Variants in FN1 observed in about 807,000 individuals in gnomAD.
The protein encoded by FN1 is fibronectin 1, also known as fibronectin.
FN1 carries 106 observed loss-of-function variants against 297.3 expected under a neutral mutation model. The observed-to-expected ratio is 0.36, with a 90% CI of 0.30 to 0.42. FN1 has a LOEUF of 0.42. Ranked by LOEUF, FN1 falls within the 10% of genes least tolerant of loss-of-function variation. The pLI, the probability that FN1 is intolerant of heterozygous loss-of-function variation, is 1.00. For missense variants in FN1, 2,690 were observed against 3,124.9 expected, an observed-to-expected ratio of 0.86 and a Z score of 3.32; for synonymous variants, 1,149 against 1,152.6, an observed-to-expected ratio of 1.00 and a Z score of 0.06.
intron 38 of FN1, among the ~76,000 whole-genome samples, chr2:215,374,758 T>A (rs923434283): frequency 6.6e-6 from 1 of 152,242 alleles, no homozygotes; most frequent in African/African-American, 2.4e-5. Flanking sequence ...TTCCAGGCAT[T>A]CTTCCAATGT....
At chr2:215,409,497 C>T (rs2062261402) in intron 15 of FN1, 66 bp downstream of exon 15, 1 of 1,504,690 alleles carries the variant, frequency 6.6e-7, no homozygotes, top group East Asian at 2.3e-5. Context: ...AGAGGCCACC[C>T]ACCCCCACAA....
chr2:215,379,859 A>G (rs778530024), intron 33 of FN1: 1 of 154,340 alleles, frequency 6.5e-6, no homozygotes, highest in Non-Finnish European at 1.4e-5. Flanking sequence ...CACCTCGCTA[A>G]TTTTTTCATA....
At chr2:215,390,411 C>T (rs2059584362) in intron 26 of FN1, among the ~76,000 whole-genome samples, 3 of 152,160 alleles carry the variant, frequency 2.0e-5, no homozygotes, top group Non-Finnish European at 1.5e-5. Context: ...TCTCGAACTC[C>T]TGGGCTCAAG....
At chr2:215,361,888 T>C (rs1169164818) in intron 45 of FN1, 81 bp downstream of exon 45, 5 of 1,526,840 alleles carry the variant, frequency 3.3e-6, no homozygotes, top group Non-Finnish European at 3.6e-6. Context: ...ATTAAAACAC[T>C]TGGTTCATTC....
intron 25 of FN1, chr2:215,392,444 A>G (rs939626059): frequency 5.3e-6 from 1 of 189,748 alleles, no homozygotes; most frequent in East Asian, 1.4e-4. Flanking sequence ...CTTTTCTCCT[A>G]CCTCAAAACA....
chr2:215,408,568 G>GATT (rs924529783), intron 15 of FN1, 142 bp from the exon 16 acceptor site: 34 of 799,508 alleles, frequency 4.3e-5, no homozygotes, highest in Non-Finnish European at 6.3e-5. Context: ...GCTAATCAGT[G>GATT]ATTATTATTA....
In FN1 at chr2:215,361,550, A is replaced by G. The variant is rs753002890; in HGVS notation, c.*5T>C. On this transcript the variant is annotated 3_prime_UTR_variant, in exon 46 of 46. Transcript: ENST00000354785. ...ATGCTTGTTCCTCTGGATTGGAAAG[A>G]TGATTTACTCTCGGGAATCTTCTCT... The G allele has an allele frequency of 6.3e-7, 1 of 1,594,634 alleles. No homozygotes were observed. The highest frequency in any genetic ancestry group is 1.7e-5 in the Admixed American group (1 of 59,998).
chr2:215,400,062 C>A (rs2060810959), intron 20 of FN1, among the ~76,000 whole-genome samples: 2 of 151,966 alleles, frequency 1.3e-5, no homozygotes, highest in Admixed American at 6.6e-5. Context: ...GTGGCTCATG[C>A]CTGTAGTCCC....
intron 6 of FN1, among the ~76,000 whole-genome samples, chr2:215,426,295 C>T (rs976235201): frequency 4.6e-5 from 7 of 151,720 alleles, no homozygotes; most frequent in African/African-American, 1.7e-4. Flanking sequence ...ACTACAGGCA[C>T]CCGCCACCAC....
intron 20 of FN1, among the ~76,000 whole-genome samples, 196 bp downstream of exon 20, chr2:215,404,193 C>T (rs1229642008): frequency 6.6e-6 from 1 of 152,088 alleles, no homozygotes; most frequent in South Asian, 2.1e-4. Context: ...CTGGCACAAC[C>T]GTTTTTCTTG....
At chr2:215,410,958 T>G (rs1559516544) in intron 13 of FN1, among the ~76,000 whole-genome samples, 1 of 152,234 alleles carries the variant, frequency 6.6e-6, no homozygotes, top group Non-Finnish European at 1.5e-5. Flanking sequence ...TATTTTATCT[T>G]TTAACTCAGT....
In FN1 at chr2:215,404,552, G is replaced by T; in HGVS notation, c.3090C>A (p.Thr1030=). 1.2e-6 allele frequency: 2 copies of T among 1,614,102 alleles called. No homozygotes were observed. Among genetic ancestry groups the T allele is most frequent in the Non-Finnish European group, 1.7e-6 (2 of 1,180,008 alleles). ...GCTGTCCTCTTCGGGTAAGGCCCAC[G>T]GTCAGTCGGTATCCTGTTATCTGGG... ...PRAQITGYRL[T]VGLTRRGQPR... Residue 1030 remains threonine (T), a synonymous_variant, in exon 20 of 46, where the codon ACC becomes ACA. Transcript: ENST00000354785.
At chr2:215,413,176 G>A (rs534786581) in intron 13 of FN1, among the ~76,000 whole-genome samples, 68 of 152,242 alleles carry the variant, frequency 4.5e-4, no homozygotes, top group Admixed American at 2.3e-3. Flanking sequence ...GTGCAATGGC[G>A]CGATCTTGGC....
At position 215,370,547 on chromosome 2, in the gene FN1, CAAAAAACAA is replaced by C; in HGVS notation, c.6715-124_6715-116del. ...AAACAAAGCAAAGGAAGACAAAAAACAAAAAACAAAAAAAAAAAAAAGAGGGAGGGTATA... is the reference window on the plus strand; with the variant it reads ...AAACAAAGCAAAGGAAGACAAAAAACAAAAAAAAAAAAGAGGGAGGGTATA... On this transcript the variant is annotated intron_variant, in intron 40 of 45. Transcript: ENST00000354785. 3.0e-5 allele frequency: 9 copies of C among 295,900 alleles called. No homozygotes were observed. The South Asian group carries it at 4.8e-4, about 16-fold the overall frequency. 18.3% of individuals were successfully genotyped at this position (295,900 alleles called of 1,614,324 possible).
At chr2:215,418,657 T>C (rs1417971096) in intron 12 of FN1, among the ~76,000 whole-genome samples, 1 of 152,202 alleles carries the variant, frequency 6.6e-6, no homozygotes, top group Non-Finnish European at 1.5e-5. Flanking sequence ...CATGATGTCT[T>C]TGTGACCTGG....
intron 12 of FN1, among the ~76,000 whole-genome samples, chr2:215,417,667 A>C (rs1324796203): frequency 6.6e-6 from 1 of 152,178 alleles, no homozygotes; most frequent in Non-Finnish European, 1.5e-5. Context: ...AGCACCAAAG[A>C]GCATATCTGA....
intron 27 of FN1, 38 bp downstream of exon 27, chr2:215,388,174 A>G: frequency 6.9e-7 from 1 of 1,440,768 alleles, no homozygotes; most frequent in Non-Finnish European, 9.8e-7. Context: ...ATTGATAGGC[A>G]AAAGCTACTG....
At chr2:215,395,237 G>A (rs1182041169) in intron 23 of FN1, among the ~76,000 whole-genome samples, 1 of 152,178 alleles carries the variant, frequency 6.6e-6, no homozygotes, top group Non-Finnish European at 1.5e-5. Flanking sequence ...AGAGAACCAA[G>A]AAAGGAGAAA....
chr2:215,383,547 C>T (rs1431922628), intron 30 of FN1, 64 bp from the exon 31 acceptor site: 2 of 1,529,526 alleles, frequency 1.3e-6, no homozygotes, highest in Non-Finnish European at 1.8e-6. Flanking sequence ...TTGGACAAGT[C>T]CTCCTCTCTA....
Sources: allele counts gnomAD v4.1 joint callset (sites outside exome capture counted in the v4.1 genomes callset), GRCh38; gene constraint gnomAD v4.1.1; transcripts MANE v1.5; gene names NCBI Gene and HGNC (gene_info 2026-07-23, HGNC 2026-07-21).